Variants in CDH18 observed in about 807,000 individuals in gnomAD.
CDH18 encodes cadherin-18.
CDH18 carries 31 observed loss-of-function variants against 67.9 expected under a neutral mutation model. The observed-to-expected ratio is 0.46, with a 90% CI of 0.34 to 0.62. The LOEUF (loss-of-function observed/expected upper bound fraction) is 0.62. CDH18 is among the 20% of genes least tolerant of loss of function. The probability of loss-of-function intolerance (pLI) is 0.01; values close to 1 mark genes in which losing one functional copy is unlikely to be tolerated. For synonymous variants in CDH18, 362 were observed against 347.2 expected (o/e 1.04, Z -0.48); for missense variants, 890 against 975.5 (o/e 0.91, Z 1.17).
intron 1 of CDH18, among the ~76,000 whole-genome samples, chr5:20,285,405 A>G (rs1253817506): frequency 1.4e-5 from 2 of 146,850 alleles, no homozygotes; most frequent in African/African-American, 2.5e-5. Flanking sequence ...AATATAATAT[A>G]ATATAATATA....
At chr5:19,775,857 G>A in intron 3 of CDH18, among the ~76,000 whole-genome samples, 1 of 152,240 alleles carries the variant, frequency 6.6e-6, no homozygotes, top group Non-Finnish European at 1.5e-5. Flanking sequence ...CATGGTAAGG[G>A]AGAATGAAGT....
At chr5:20,480,475 T>C (rs1348000960) in intron 1 of CDH18, among the ~76,000 whole-genome samples, 1 of 152,052 alleles carries the variant, frequency 6.6e-6, no homozygotes, top group Non-Finnish European at 1.5e-5. Context: ...TGGAGTGCAA[T>C]GGGGTGATCC....
At chr5:19,576,219 A>T (rs1742288282) in intron 7 of CDH18, among the ~76,000 whole-genome samples, 1 of 152,176 alleles carries the variant, frequency 6.6e-6, no homozygotes, top group African/African-American at 2.4e-5. Context: ...TAAAAAAAAT[A>T]GGCAAAGTAA....
At chr5:20,178,653 T>C (rs1409498983) in intron 2 of CDH18, among the ~76,000 whole-genome samples, 4 of 151,374 alleles carry the variant, frequency 2.6e-5, no homozygotes, top group African/African-American at 9.7e-5. Context: ...GGTGGCAAAA[T>C]GGTGAGTGGA....
intron 1 of CDH18, among the ~76,000 whole-genome samples, chr5:20,526,544 G>T (rs921223123): frequency 2.6e-5 from 4 of 152,096 alleles, no homozygotes; most frequent in Non-Finnish European, 5.9e-5. Flanking sequence ...CTGGGACGAA[G>T]CTTCCGGAGG....
intron 7 of CDH18, among the ~76,000 whole-genome samples, chr5:19,575,651 G>A (rs1482109940): frequency 1.3e-5 from 2 of 152,118 alleles, no homozygotes; most frequent in Non-Finnish European, 2.9e-5. Context: ...ATTTGTATTG[G>A]CTTATTATTT....
intron 1 of CDH18, 134 bp downstream of exon 1, chr5:19,987,952 C>G (rs576813355): frequency 6.6e-6 from 1 of 152,210 alleles, no homozygotes; most frequent in Non-Finnish European, 1.5e-5. Context: ...CCTCAGCCCT[C>G]GATCCTGTGA....
chr5:20,328,127 T>TTCA (rs1738783676), intron 1 of CDH18, among the ~76,000 whole-genome samples: 1 of 151,858 alleles, frequency 6.6e-6, no homozygotes, highest in African/African-American at 2.4e-5. Context: ...AAGGAAGCCT[T>TTCA]TAGGGGCTTT....
At chr5:19,489,264 T>TC (rs1740907260) in intron 11 of CDH18, among the ~76,000 whole-genome samples, 1 of 150,280 alleles carries the variant, frequency 6.7e-6, no homozygotes, top group African/African-American at 2.5e-5. Flanking sequence ...TTTTTTTTTT[T>TC]TGAGACTGAG....
intron 2 of CDH18, among the ~76,000 whole-genome samples, chr5:20,227,692 G>A (rs1400377312): frequency 1.3e-5 from 2 of 151,548 alleles, no homozygotes; most frequent in Non-Finnish European, 2.9e-5. Context: ...TCGCTATGTT[G>A]CTCAGTCTGG....
At chr5:19,661,166 T>G (rs932784702) in intron 5 of CDH18, among the ~76,000 whole-genome samples, 3 of 152,096 alleles carry the variant, frequency 2.0e-5, no homozygotes, top group Non-Finnish European at 4.4e-5. Flanking sequence ...CTAATTATAT[T>G]AGCACTTATT....
intron 2 of CDH18, among the ~76,000 whole-genome samples, chr5:20,175,296 C>A (rs1408314061): frequency 6.6e-6 from 1 of 152,008 alleles, no homozygotes; most frequent in East Asian, 1.9e-4. Context: ...CCATACTCAC[C>A]AGCCTGACAA....
At chr5:19,758,429 A>G (rs1274800523) in intron 3 of CDH18, among the ~76,000 whole-genome samples, 1 of 152,246 alleles carries the variant, frequency 6.6e-6, no homozygotes, top group Non-Finnish European at 1.5e-5. Context: ...AAAGGCTCCA[A>G]ACAACATCCC....
chr5:19,754,365 T>G (rs770410287), intron 3 of CDH18, among the ~76,000 whole-genome samples: 1 of 152,148 alleles, frequency 6.6e-6, no homozygotes, highest in Non-Finnish European at 1.5e-5. Flanking sequence ...GTAGCTATTC[T>G]TATATCAGAA....
At chr5:19,981,868 T>C in intron 1 of CDH18, among the ~76,000 whole-genome samples, 1 of 152,188 alleles carries the variant, frequency 6.6e-6, no homozygotes, top group Non-Finnish European at 1.5e-5. Context: ...AGATAAAATA[T>C]CAAACCACCA....
chr5:19,795,243 G>T (rs1776741145), intron 3 of CDH18, among the ~76,000 whole-genome samples: 1 of 152,094 alleles, frequency 6.6e-6, no homozygotes, highest in South Asian at 2.1e-4. Flanking sequence ...ACTGAGGCAG[G>T]TTGTCTGGAA....
At chr5:20,021,015 C>A (rs542477857) in intron 2 of CDH18, among the ~76,000 whole-genome samples, 30 of 151,736 alleles carry the variant, frequency 2.0e-4, no homozygotes, top group Middle Eastern at 3.2e-3. Flanking sequence ...GGCCTTGGGA[C>A]CCAACCCCTT....
chr5:19,728,614 T>G (rs1487818798), intron 4 of CDH18, among the ~76,000 whole-genome samples: 1 of 152,172 alleles, frequency 6.6e-6, no homozygotes, highest in Non-Finnish European at 1.5e-5. Context: ...AGAGTAGACT[T>G]CCTGGTAAGT....
intron 1 of CDH18, among the ~76,000 whole-genome samples, chr5:20,336,591 C>T (rs1169009252): frequency 1.3e-5 from 2 of 151,602 alleles, no homozygotes; most frequent in Non-Finnish European, 2.9e-5. Context: ...GCCGTGGTGG[C>T]CAGCGCCTGT....
Sources: gnomAD v4.1 joint callset for allele counts (sites outside exome capture counted in the v4.1 genomes callset) on GRCh38, gnomAD v4.1.1 for gene constraint, MANE v1.5 for transcripts, NCBI Gene and HGNC (gene_info 2026-07-23, HGNC 2026-07-21) for gene names.